SH3GL2: variants seen among roughly 807,000 people sequenced by gnomAD.
The protein encoded by SH3GL2 is SH3 domain containing GRB2 like 2, endophilin A1.
In SH3GL2, 24 loss-of-function variants were observed where a neutral mutation model predicts 46.0. The ratio of observed to expected loss-of-function variants is 0.52; its 90% CI spans 0.38 to 0.73. The LOEUF (loss-of-function observed/expected upper bound fraction) is 0.73. Ranked by LOEUF, SH3GL2 falls within the 30% of genes least tolerant of loss-of-function variation. SH3GL2 has a pLI of 0.00. For synonymous variants in SH3GL2, 196 were observed against 147.1 expected (o/e 1.33, Z -2.40); for missense variants, 413 against 424.2 (o/e 0.97, Z 0.23).
chr9:17,690,930 GGAAGTAAACA>G (rs1464101906), intron 1 of SH3GL2, among the ~76,000 whole-genome samples: 1 of 152,090 alleles, frequency 6.6e-6, no homozygotes, highest in Non-Finnish European at 1.5e-5. Flanking sequence ...GTGATTAGCT[GGAAGTAAACA>G]GACTTCTGCA....
At chr9:17,734,449 G>A (rs767517502) in intron 1 of SH3GL2, among the ~76,000 whole-genome samples, 53 of 152,172 alleles carry the variant, frequency 3.5e-4, no homozygotes, top group Non-Finnish European at 5.6e-4. Flanking sequence ...ACATAATTTC[G>A]TGTATAACTG....
chr9:17,791,095 C>G, intron 6 of SH3GL2, 136 bp from the exon 7 acceptor site: 1 of 644,844 alleles, frequency 1.6e-6, no homozygotes, highest in South Asian at 1.8e-5. Context: ...TCTTAGTTGG[C>G]TTATCACACA....
At chr9:17,758,212 G>T (rs1823057702) in intron 2 of SH3GL2, among the ~76,000 whole-genome samples, 1 of 152,050 alleles carries the variant, frequency 6.6e-6, no homozygotes, top group South Asian at 2.1e-4. Context: ...TAAACAGAAT[G>T]CTCCCCTGGT....
intron 5 of SH3GL2, 76 bp from the exon 6 acceptor site, chr9:17,789,316 G>A (rs1273825703): frequency 6.0e-6 from 7 of 1,172,270 alleles, no homozygotes; most frequent in East Asian, 2.4e-5. Flanking sequence ...GTTAATGGAC[G>A]TGATGGAGAA....
At chr9:17,692,325 A>G (rs528645863) in intron 1 of SH3GL2, among the ~76,000 whole-genome samples, 3 of 152,020 alleles carry the variant, frequency 2.0e-5, no homozygotes, top group African/African-American at 7.2e-5. Context: ...TATTTAAGAA[A>G]CTATTACATG....
At chr9:17,592,374 T>A (rs1295733773) in intron 1 of SH3GL2, among the ~76,000 whole-genome samples, 1 of 152,236 alleles carries the variant, frequency 6.6e-6, no homozygotes, top group Non-Finnish European at 1.5e-5. Context: ...ACCAGCTATC[T>A]GGGTATCCCT....
intron 1 of SH3GL2, among the ~76,000 whole-genome samples, chr9:17,725,964 C>A (rs564759951): frequency 1.3e-5 from 2 of 152,212 alleles, no homozygotes; most frequent in Non-Finnish European, 2.9e-5. Context: ...ACAGAGCTGG[C>A]AGTAGGGGTG....
chr9:17,722,224 C>T (rs1280159347), intron 1 of SH3GL2, among the ~76,000 whole-genome samples: 1 of 152,014 alleles, frequency 6.6e-6, no homozygotes, highest in Non-Finnish European at 1.5e-5. Context: ...TGTTCTTTGC[C>T]TGCCAAGAGA....
At chr9:17,779,950 T>C (rs1283450575) in intron 3 of SH3GL2, among the ~76,000 whole-genome samples, 2 of 152,156 alleles carry the variant, frequency 1.3e-5, no homozygotes, top group Non-Finnish European at 2.9e-5. Context: ...CTCCCACGTT[T>C]TCAGTCTAGA....
intron 1 of SH3GL2, among the ~76,000 whole-genome samples, chr9:17,615,043 C>T (rs1014274657): frequency 6.6e-6 from 1 of 152,156 alleles, no homozygotes; most frequent in Non-Finnish European, 1.5e-5. Flanking sequence ...TCTCAGAGTC[C>T]TCTGTCATTG....
At chr9:17,748,141 G>T (rs1822746939) in intron 2 of SH3GL2, among the ~76,000 whole-genome samples, 1 of 152,184 alleles carries the variant, frequency 6.6e-6, no homozygotes, top group African/African-American at 2.4e-5. Flanking sequence ...TTTTTCTTGG[G>T]ACATGAGCCA....
At chr9:17,635,391 G>A (rs891796186) in intron 1 of SH3GL2, among the ~76,000 whole-genome samples, 4 of 152,080 alleles carry the variant, frequency 2.6e-5, no homozygotes, top group Non-Finnish European at 5.9e-5. Context: ...TCATTGATGG[G>A]CATTTAGATT....
intron 1 of SH3GL2, among the ~76,000 whole-genome samples, chr9:17,618,238 G>C (rs1819051542): frequency 6.6e-6 from 1 of 152,114 alleles, no homozygotes; most frequent in African/African-American, 2.4e-5. Flanking sequence ...CAAGGATGCT[G>C]CTAAACATCC....
At chr9:17,747,978 C>T (rs548552738) in intron 2 of SH3GL2, among the ~76,000 whole-genome samples, 1 of 152,046 alleles carries the variant, frequency 6.6e-6, no homozygotes, top group Non-Finnish European at 1.5e-5. Context: ...CCAGCAGAGC[C>T]CCTTTTTAAG....
intron 3 of SH3GL2, among the ~76,000 whole-genome samples, chr9:17,770,959 G>A (rs1233917146): frequency 6.6e-6 from 1 of 152,184 alleles, no homozygotes; most frequent in Non-Finnish European, 1.5e-5. Flanking sequence ...GCAGCCTGGC[G>A]AGACCCTGAG....
chr9:17,688,069 C>A (rs993136620), intron 1 of SH3GL2, among the ~76,000 whole-genome samples: 3 of 152,014 alleles, frequency 2.0e-5, no homozygotes, highest in African/African-American at 7.2e-5. Context: ...CTGCTTTCAC[C>A]TAAGTTCATC....
At chr9:17,751,147 A>G (rs184965302) in intron 2 of SH3GL2, among the ~76,000 whole-genome samples, 3 of 152,330 alleles carry the variant, frequency 2.0e-5, no homozygotes, top group Admixed American at 6.5e-5. Context: ...AAACATGTCT[A>G]TAGGCCCTTT....
At chr9:17,766,451 A>G (rs1823321152) in intron 3 of SH3GL2, among the ~76,000 whole-genome samples, 1 of 152,264 alleles carries the variant, frequency 6.6e-6, no homozygotes, top group Non-Finnish European at 1.5e-5. Context: ...TGAAGAAGAT[A>G]TAACTCAGTT....
At chr9:17,794,071 T>A (rs1276463994) in intron 8 of SH3GL2, among the ~76,000 whole-genome samples, 1 of 152,236 alleles carries the variant, frequency 6.6e-6, no homozygotes, top group African/African-American at 2.4e-5. Flanking sequence ...TCTGATCACT[T>A]TATCATGCTG....
Sources: gnomAD v4.1 joint callset for allele counts (sites outside exome capture counted in the v4.1 genomes callset) on GRCh38, gnomAD v4.1.1 for gene constraint, MANE v1.5 for transcripts, NCBI Gene and HGNC (gene_info 2026-07-23, HGNC 2026-07-21) for gene names.